STX17: variants seen among roughly 807,000 people sequenced by gnomAD.
STX17 encodes syntaxin-17.
STX17 carries 29 observed loss-of-function variants against 35.9 expected under a neutral mutation model. The ratio of observed to expected loss-of-function variants is 0.81; its 90% CI spans 0.60 to 1.10. The LOEUF is 1.10. Ranked by LOEUF, STX17 falls within the 50% of genes least tolerant of loss-of-function variation. STX17 has a pLI of 0.00. For synonymous variants in STX17, 92 were observed against 118.3 expected, an observed-to-expected ratio of 0.78 and a Z score of 1.44; for missense variants, 312 against 352.3, an observed-to-expected ratio of 0.89 and a Z score of 0.92.
At chr9:99,968,239 C>CT (rs1446614655) in intron 7 of STX17, among the ~76,000 whole-genome samples, 195 bp from the exon 8 acceptor site, 2 of 152,172 alleles carry the variant, frequency 1.3e-5, no homozygotes, top group South Asian at 2.1e-4. Context: ...GCTCAGCTCT[C>CT]TAAGTTCTGA....
In STX17 at chr9:99,944,098, T is replaced by A. The variant is rs147046397; in HGVS notation, c.190-6962T>A. ...ATCTAAGTTTTCTAATTTATTGGCA[T>A]ACATTTTTTCAGAATATTTTATTTT... On this transcript the variant is annotated intron_variant, in intron 3 of 7. Transcript: ENST00000259400. 8.9e-3 allele frequency among the ~76,000 whole-genome samples: 1,360 copies of A among 152,180 alleles called. 18 individuals carry two copies. Among genetic ancestry groups the A allele is most frequent in the Middle Eastern group, 0.041 (12 of 294 alleles).
intron 6 of STX17, among the ~76,000 whole-genome samples, chr9:99,966,106 A>G (rs1829906659): frequency 6.6e-6 from 1 of 152,222 alleles, no homozygotes; most frequent in African/African-American, 2.4e-5. Context: ...CTGGGAGCTT[A>G]CTAGCTCAGG....
chr9:99,916,334 A>ATAT (rs1828769110), intron 2 of STX17, among the ~76,000 whole-genome samples: 1 of 152,154 alleles, frequency 6.6e-6, no homozygotes, highest in Non-Finnish European at 1.5e-5. Flanking sequence ...CAGGCCAGTG[A>ATAT]TATTTTTTGT....
At chr9:99,915,514 G>T (rs1312237201) in intron 2 of STX17, 152 bp downstream of exon 2, 2 of 935,094 alleles carry the variant, frequency 2.1e-6, no homozygotes, top group Non-Finnish European at 1.5e-6. Flanking sequence ...TTTTTAGCTG[G>T]TTTTTCTGTT....
At chr9:99,961,262 C>G (rs969470790) in intron 6 of STX17, among the ~76,000 whole-genome samples, 1 of 152,006 alleles carries the variant, frequency 6.6e-6, no homozygotes, top group Non-Finnish European at 1.5e-5. Context: ...TGAATAATGG[C>G]CTAAGAGAGG....
chr9:99,926,483 A>C (rs1162902950), intron 2 of STX17, among the ~76,000 whole-genome samples: 2 of 151,008 alleles, frequency 1.3e-5, no homozygotes. Context: ...CGTTGGGAAC[A>C]GTTTGATCCT....
At chr9:99,960,795 C>T (rs1829814003) in intron 6 of STX17, among the ~76,000 whole-genome samples, 1 of 152,120 alleles carries the variant, frequency 6.6e-6, no homozygotes, top group African/African-American at 2.4e-5. Context: ...AGAAACTGAG[C>T]TTTCAAGCAT....
chr9:99,945,727 C>A, intron 3 of STX17: 1 of 400,942 alleles, frequency 2.5e-6, no homozygotes, highest in African/African-American at 2.1e-5. Flanking sequence ...AGTTTAGGAA[C>A]TACATTTGAG....
In STX17 at chr9:99,969,720, G is replaced by T. The variant is rs1481628270; in HGVS notation, c.*1047G>T. On this transcript the variant is annotated 3_prime_UTR_variant, in exon 8 of 8. Transcript: ENST00000259400. ...CAGTCTTCTTTTCAGCTGGTCTCTG[G>T]GGGGAGCTGAGAACTCGCTTGCTAC... is the stretch of plus-strand genomic sequence containing the variant. The T allele has an allele frequency of 6.6e-6, 1 of 152,044 alleles. No individual in the cohort carries two copies. Among genetic ancestry groups the T allele is most frequent in the African/African-American group, 2.4e-5 (1 of 41,260 alleles). The allele number at this position is 152,044 out of a possible 1,614,324, so 9.4% of individuals were successfully genotyped here.
intron 2 of STX17, among the ~76,000 whole-genome samples, chr9:99,916,757 T>C (rs1322665031): frequency 3.3e-5 from 5 of 152,174 alleles, no homozygotes; most frequent in Non-Finnish European, 7.3e-5. Flanking sequence ...ACTGTGACTT[T>C]TAAGGATGGA....
At chr9:99,925,383 G>C (rs1828967847) in intron 2 of STX17, among the ~76,000 whole-genome samples, 1 of 151,998 alleles carries the variant, frequency 6.6e-6, no homozygotes, top group Non-Finnish European at 1.5e-5. Context: ...TTTTCAAAGA[G>C]ATTGTAAAAA....
chr9:99,931,991 A>T (rs1050461940), intron 3 of STX17, among the ~76,000 whole-genome samples: 2 of 152,192 alleles, frequency 1.3e-5, no homozygotes, highest in Admixed American at 6.5e-5. Flanking sequence ...TTCCTTAGGG[A>T]TACCTCCAAA....
intron 4 of STX17, among the ~76,000 whole-genome samples, chr9:99,959,413 A>G (rs1564074132): frequency 6.6e-6 from 1 of 151,698 alleles, no homozygotes; most frequent in Non-Finnish European, 1.5e-5. Flanking sequence ...GAAAAAAAAA[A>G]TGTGTTAACT....
chr9:99,950,979 C>T (rs1829579547), intron 3 of STX17, 81 bp from the exon 4 acceptor site: 2 of 1,224,142 alleles, frequency 1.6e-6, no homozygotes, highest in East Asian at 2.5e-5. Context: ...TTTCCATCCA[C>T]AACTATTATA....
In STX17 at chr9:99,968,857, A is replaced by G. The variant is rs533415635; in HGVS notation, c.*184A>G. The G allele has an allele frequency of 4.6e-6, 4 of 874,970 alleles. No individual in the cohort carries two copies. The highest frequency in any genetic ancestry group is 6.2e-5 in the Admixed American group (2 of 32,188). 54.2% of individuals were successfully genotyped at this position (874,970 alleles called of 1,614,324 possible). A position where few individuals can be genotyped will look rare whatever the true frequency, so the allele number is the denominator to read the frequency against. On this transcript the variant is annotated 3_prime_UTR_variant, in exon 8 of 8. Transcript: ENST00000259400. ...TGCTGGGGTGTTCATGGAGATGTTA[A>G]GAGATTGAGGCCCTGGGCTGAGGGT... is the stretch of plus-strand genomic sequence containing the variant.
At chr9:99,916,126 G>A (rs886715587) in intron 2 of STX17, 3 of 453,248 alleles carry the variant, frequency 6.6e-6, no homozygotes, top group Admixed American at 4.7e-5. Context: ...TTTGAGGAAA[G>A]CTCACAATTG....
rs1446890277 is a variant in STX17 at position 99,960,147 on chromosome 9, CTAGTGAATG to C, written c.577_582+3del. 6.2e-7 allele frequency: 1 copy of C among 1,613,806 alleles called. No homozygotes were observed. Among genetic ancestry groups the C allele is most frequent in the Admixed American group, 1.7e-5 (1 of 59,994 alleles). ...CCAACTGGTCACTGACTTCTCTCTC[CTAGTGAATG>C]TAAGTATATAACTGTTTTGGATGCA... On this transcript the variant is annotated splice_donor_variant and coding_sequence_variant, in exon 6 of 8. Transcript: ENST00000259400. LOFTEE classifies it high-confidence loss of function.
intron 3 of STX17, among the ~76,000 whole-genome samples, chr9:99,943,779 A>G (rs1349670411): frequency 6.6e-6 from 1 of 152,112 alleles, no homozygotes; most frequent in Non-Finnish European, 1.5e-5. Flanking sequence ...ATTTTTCTTT[A>G]TTCTTAATCT....
intron 4 of STX17, among the ~76,000 whole-genome samples, chr9:99,959,281 G>A (rs1236564397): frequency 6.6e-6 from 1 of 151,946 alleles, no homozygotes; most frequent in Admixed American, 6.6e-5. Flanking sequence ...CATGGCTTAC[G>A]CCTGTAATTC....
Sources: allele counts gnomAD v4.1 joint callset (sites outside exome capture counted in the v4.1 genomes callset), GRCh38; gene constraint gnomAD v4.1.1; transcripts MANE v1.5; gene names NCBI Gene and HGNC (gene_info 2026-07-23, HGNC 2026-07-21).